The following SETD3 variants were observed in gnomAD, a reference collection of about 807,000 sequenced individuals.
The protein encoded by SETD3 is actin-histidine N-methyltransferase.
Under a neutral mutation model 63.0 loss-of-function variants are expected in SETD3, and 19 were observed. The ratio of observed to expected loss-of-function variants is 0.30; its 90% CI spans 0.21 to 0.44. SETD3 has a LOEUF of 0.44. Among genes scored for constraint, SETD3 ranks in the 20% least tolerant of loss-of-function variants. The probability of loss-of-function intolerance (pLI) is 1.00; values close to 1 mark genes in which losing one functional copy is unlikely to be tolerated. For synonymous variants in SETD3, 286 were observed against 264.1 expected (o/e 1.08, Z -0.80); for missense variants, 587 against 728.5 (o/e 0.81, Z 2.24).
At chr14:99,423,723 T>A (rs1325881176) in intron 6 of SETD3, among the ~76,000 whole-genome samples, 1 of 151,232 alleles carries the variant, frequency 6.6e-6, no homozygotes, top group African/African-American at 2.4e-5. Flanking sequence ...AAAGGTACAC[T>A]CTGTCTTAAA....
intron 8 of SETD3, 25 bp from the exon 9 acceptor site, chr14:99,406,615 T>C: frequency 6.2e-7 from 1 of 1,607,472 alleles, no homozygotes; most frequent in African/African-American, 1.3e-5. Context: ...AGGAAGGAAA[T>C]GATGGTGAGG....
chr14:99,450,624 A>G (rs138233105), intron 6 of SETD3, among the ~76,000 whole-genome samples: 17 of 152,344 alleles, frequency 1.1e-4, no homozygotes, highest in Admixed American at 2.0e-4. Context: ...TAAGGCAGGA[A>G]AAGGGGGAGG....
At position 99,399,987 on chromosome 14, in the gene SETD3, C is replaced by G. The variant is rs193201654; in HGVS notation, c.1338+112G>C. On this transcript the variant is annotated intron_variant, in intron 12 of 12. Coordinates refer to ENST00000331768, the MANE Select transcript of SETD3 (RefSeq NM_032233.3). Reference sequence around the variant, plus strand: ...GAATTTCTGACCTCGTGATCCGCCCCGCCTCGACCTCCCAAAGTGCTGGGA... The same window carrying G: ...GAATTTCTGACCTCGTGATCCGCCCGGCCTCGACCTCCCAAAGTGCTGGGA... 3,749 of 938,702 alleles carry G rather than the reference C, an allele frequency of 4.0e-3. 14 individuals are homozygous for G. Among genetic ancestry groups the G allele is most frequent in the Middle Eastern group, 0.012 (41 of 3,516 alleles). The allele number at this position is 938,702 out of a possible 1,614,324, so 58.1% of individuals were successfully genotyped here.
At chr14:99,461,712 T>C (rs1378193673) in intron 3 of SETD3, among the ~76,000 whole-genome samples, 1 of 152,220 alleles carries the variant, frequency 6.6e-6, no homozygotes, top group African/African-American at 2.4e-5. Context: ...ATGTTCACAT[T>C]TGCTTTAACA....
intron 6 of SETD3, among the ~76,000 whole-genome samples, chr14:99,446,315 A>G (rs1390113501): frequency 6.6e-6 from 1 of 152,168 alleles, no homozygotes; most frequent in Non-Finnish European, 1.5e-5. Context: ...ACACAAATTA[A>G]ACGATCAATG....
intron 6 of SETD3, among the ~76,000 whole-genome samples, chr14:99,448,349 C>G (rs557181328): frequency 1.3e-5 from 2 of 152,300 alleles, no homozygotes; most frequent in South Asian, 4.1e-4. Flanking sequence ...ATCTGCAGCT[C>G]TCAGCACAGC....
At chr14:99,449,816 G>C (rs933952642) in intron 6 of SETD3, among the ~76,000 whole-genome samples, 1 of 152,220 alleles carries the variant, frequency 6.6e-6, no homozygotes, top group East Asian at 1.9e-4. Context: ...AGTGAAGCTA[G>C]GTGAAGTGTA....
chr14:99,442,877 C>T (rs1893908441), intron 6 of SETD3, among the ~76,000 whole-genome samples: 1 of 152,104 alleles, frequency 6.6e-6, no homozygotes, highest in Admixed American at 6.5e-5. Context: ...GTACTGACTG[C>T]CAGGTAAGAG....
chr14:99,398,789 T>C lies in SETD3; in HGVS notation c.1675A>G (p.Ile559Val), dbSNP rs1891216931. The change falls in exon 13 of 13, where the codon ATC becomes GTC. Residue 559 changes from isoleucine (I) to valine (V), a missense_variant. By Grantham distance (29) the Ile-to-Val change is conservative (BLOSUM62 3). Coordinates refer to ENST00000331768, the MANE Select transcript of SETD3 (RefSeq NM_032233.3). Reference sequence around the variant, plus strand: ...TTTTCGGACCTGGTCCCATTAGGGATAGAGTTTTCACCGTTTACAAGCCCG... The same window carrying C: ...TTTTCGGACCTGGTCCCATTAGGGACAGAGTTTTCACCGTTTACAAGCCCG... Reference protein sequence around the residue: ...ENGLVNGENSIPNGTRSENES... With the variant: ...ENGLVNGENSVPNGTRSENES... 5.6e-6 allele frequency: 9 copies of C among 1,614,240 alleles called. 1 individual carries two copies. In the South Asian group the frequency reaches 7.7e-5, roughly 14 times the overall value.
At chr14:99,476,406 G>A (rs777371714) in intron 1 of SETD3, among the ~76,000 whole-genome samples, 7 of 152,168 alleles carry the variant, frequency 4.6e-5, no homozygotes, top group Non-Finnish European at 4.4e-5. Flanking sequence ...TATTTTGCTG[G>A]CTTTGTCCAA....
intron 6 of SETD3, among the ~76,000 whole-genome samples, chr14:99,421,788 T>C (rs1892610592): frequency 6.6e-6 from 1 of 152,206 alleles, no homozygotes; most frequent in South Asian, 2.1e-4. Flanking sequence ...TACCCAAGTT[T>C]ACCCAGTTAA....
intron 6 of SETD3, 104 bp downstream of exon 6, chr14:99,458,175 T>A (rs746093644): frequency 5.1e-5 from 66 of 1,303,542 alleles, no homozygotes; most frequent in Non-Finnish European, 6.1e-5. Flanking sequence ...AAGTAAAATG[T>A]TTAAGTATCC....
intron 1 of SETD3, among the ~76,000 whole-genome samples, chr14:99,475,613 A>G (rs746068755): frequency 2.0e-5 from 3 of 152,174 alleles, no homozygotes; most frequent in Non-Finnish European, 1.5e-5. Context: ...TCATTACTAC[A>G]TATTTCTCAA....
upstream of SETD3, among the ~76,000 whole-genome samples, chr14:99,484,486 A>G (rs970550916): frequency 4.6e-5 from 7 of 152,262 alleles, no homozygotes; most frequent in African/African-American, 1.7e-4. Flanking sequence ...TAGAGAAGAG[A>G]ATGTAAAAAT....
intron 6 of SETD3, among the ~76,000 whole-genome samples, chr14:99,455,555 C>G (rs1894710543): frequency 6.6e-6 from 1 of 152,196 alleles, no homozygotes; most frequent in African/African-American, 2.4e-5. Flanking sequence ...GATGCACTTA[C>G]AGCCAGGAAG....
intron 11 of SETD3, among the ~76,000 whole-genome samples, chr14:99,402,852 C>A (rs771234144): frequency 6.6e-6 from 1 of 152,204 alleles, no homozygotes; most frequent in East Asian, 1.9e-4. Flanking sequence ...TCATGCCTGG[C>A]GCACAGTGAA....
At chr14:99,429,377 CA>C (rs1893049420) in intron 6 of SETD3, among the ~76,000 whole-genome samples, 2 of 151,984 alleles carry the variant, frequency 1.3e-5, no homozygotes, top group South Asian at 4.2e-4. Context: ...ACAGGCTGGA[CA>C]AGAAAAGAAA....
At chr14:99,473,700 T>C (rs896305225) in intron 1 of SETD3, among the ~76,000 whole-genome samples, 4 of 152,120 alleles carry the variant, frequency 2.6e-5, no homozygotes, top group Non-Finnish European at 4.4e-5. Context: ...GTAGGAAGAA[T>C]AGGAAATACT....
intron 8 of SETD3, chr14:99,411,882 A>G (rs1245089455): frequency 6.6e-6 from 1 of 152,218 alleles, no homozygotes; most frequent in Non-Finnish European, 1.5e-5. Context: ...TCTTGCCACA[A>G]TTTAAATACT....
Sources: allele counts gnomAD v4.1 joint callset (sites outside exome capture counted in the v4.1 genomes callset), GRCh38; gene constraint gnomAD v4.1.1; transcripts MANE v1.5; gene names NCBI Gene and HGNC (gene_info 2026-07-23, HGNC 2026-07-21).